PHF2: variants seen among roughly 807,000 people sequenced by gnomAD.
The protein encoded by PHF2 is PHD finger protein 2.
In PHF2, 27 loss-of-function variants were observed where a neutral mutation model predicts 120.5. The observed-to-expected ratio is 0.22, with a 90% CI of 0.17 to 0.31. PHF2 has a LOEUF of 0.31. Among genes scored for constraint, PHF2 ranks in the 10% least tolerant of loss-of-function variants. The probability of loss-of-function intolerance (pLI) is 1.00; values close to 1 mark genes in which losing one functional copy is unlikely to be tolerated. For missense variants in PHF2, 1,024 were observed against 1,434.8 expected, an observed-to-expected ratio of 0.71 and a Z score of 4.63; for synonymous variants, 568 against 592.5, an observed-to-expected ratio of 0.96 and a Z score of 0.60.
intron 16 of PHF2, among the ~76,000 whole-genome samples, chr9:93,666,544 G>C (rs1826684745): frequency 1.3e-5 from 2 of 152,222 alleles, no homozygotes; most frequent in African/African-American, 2.4e-5. Flanking sequence ...CGTCTGCCCT[G>C]TGTGTCCGTG....
At position 93,674,987 on chromosome 9, in the gene PHF2, G is replaced by A. The variant is rs920768568; in HGVS notation, c.2687G>A (p.Arg896Lys). 2.5e-6 allele frequency: 4 copies of A among 1,613,896 alleles called. No homozygotes were observed. Among genetic ancestry groups the A allele is most frequent in the Admixed American group, 3.3e-5 (2 of 60,018 alleles). The change falls in exon 19 of 22, where the codon AGG becomes AAG. Residue 896 changes from arginine (R) to lysine (K), a missense_variant. Coordinates refer to ENST00000359246, the MANE Select transcript of PHF2 (RefSeq NM_005392.4). ...ATCTTTAAGTCCCGGTCGAAGAAAA[G>A]GAAAGGCTCAGACGACGCTCCCTAC... is the stretch of plus-strand genomic sequence containing the variant. ...NPIFKSRSKK[R>K]KGSDDAPYSP...
intron 1 of PHF2, among the ~76,000 whole-genome samples, chr9:93,603,563 A>G (rs1273468177): frequency 6.6e-6 from 1 of 152,076 alleles, no homozygotes; most frequent in South Asian, 2.1e-4. Context: ...TCCCTGCTTA[A>G]GTCCAGTTGT....
chr9:93,654,679 G>T (rs778773683), intron 7 of PHF2, 104 bp downstream of exon 7: 89 of 1,054,920 alleles, frequency 8.4e-5, no homozygotes, highest in Non-Finnish European at 1.2e-4. Context: ...GGTCTCTTCG[G>T]CATCCCTGGC....
chr9:93,596,411 G>A (rs1007491016), intron 1 of PHF2, among the ~76,000 whole-genome samples: 7 of 152,100 alleles, frequency 4.6e-5, no homozygotes, highest in African/African-American at 7.2e-5. Flanking sequence ...GAAGAAATGC[G>A]TGTGCACTGG....
intron 2 of PHF2, among the ~76,000 whole-genome samples, chr9:93,635,067 G>C (rs1826068467): frequency 1.3e-5 from 2 of 152,224 alleles, no homozygotes; most frequent in South Asian, 4.1e-4. Flanking sequence ...AACCCTGTTT[G>C]TTGCTCATCT....
At chr9:93,583,817 TTTTC>T (rs1862978595) in intron 1 of PHF2, among the ~76,000 whole-genome samples, 3 of 142,392 alleles carry the variant, frequency 2.1e-5, no homozygotes, top group Admixed American at 7.2e-5. Flanking sequence ...GTATCCTTTT[TTTTC>T]TTTTCTTTTT....
chr9:93,648,576 C>T (rs1163202037), intron 4 of PHF2, among the ~76,000 whole-genome samples: 2 of 152,210 alleles, frequency 1.3e-5, no homozygotes, highest in Admixed American at 6.5e-5. Flanking sequence ...AATTTTCCTC[C>T]TCAGCTCATC....
chr9:93,674,697 C>A (rs923603887), intron 18 of PHF2, among the ~76,000 whole-genome samples: 1 of 152,138 alleles, frequency 6.6e-6, no homozygotes, highest in Non-Finnish European at 1.5e-5. Flanking sequence ...GCCTTCTTGT[C>A]TGGAGAGTCC....
intron 12 of PHF2, among the ~76,000 whole-genome samples, chr9:93,662,651 GATGA>G (rs939161911): frequency 6.6e-6 from 1 of 151,646 alleles, no homozygotes; most frequent in Non-Finnish European, 1.5e-5. Context: ...GAATGAACGG[GATGA>G]ATGAATGGAT....
intron 9 of PHF2, among the ~76,000 whole-genome samples, chr9:93,657,383 G>A (rs1826479933): frequency 6.6e-6 from 1 of 152,158 alleles, no homozygotes; most frequent in African/African-American, 2.4e-5. Flanking sequence ...CCCAAATCTG[G>A]AGCCCTGAGC....
chr9:93,599,641 G>A (rs117375682), intron 1 of PHF2, among the ~76,000 whole-genome samples: 6,618 of 152,384 alleles, frequency 0.043, 201 homozygotes, highest in Middle Eastern at 0.071. Context: ...GAGATATTCG[G>A]TGGTTACCTG....
chr9:93,577,978 C>G (rs1389114053), intron 1 of PHF2, among the ~76,000 whole-genome samples: 1 of 152,182 alleles, frequency 6.6e-6, no homozygotes, highest in African/African-American at 2.4e-5. Flanking sequence ...AGCAAGCAGC[C>G]GGGGGAAAGA....
At position 93,656,232 on chromosome 9, in the gene PHF2, T is replaced by C. The variant is rs1209457174; in HGVS notation, c.1040+211T>C. On this transcript the variant is annotated intron_variant, in intron 8 of 21. Transcript: ENST00000359246. This position sits in a 1 kb window ranked among gnomAD's most constrained non-coding sequence, Gnocchi z 4.1. ...ATGCAGGCCGGCTCCTCAAGGGACC[T>C]GGCTGCTGGATGGTTGTAGTTGCCC... Among the ~76,000 whole-genome samples, 1 of 152,062 alleles carries C rather than the reference T, an allele frequency of 6.6e-6. No individual in the cohort carries two copies. The highest frequency in any genetic ancestry group is 1.5e-5 in the Non-Finnish European group (1 of 68,010).
intron 16 of PHF2, 32 bp downstream of exon 16, chr9:93,666,092 G>A (rs763771977): frequency 1.6e-5 from 26 of 1,602,696 alleles, no homozygotes; most frequent in African/African-American, 2.7e-5. Context: ...CCTCAGTCTC[G>A]GGGGGCATCT....
intron 3 of PHF2, among the ~76,000 whole-genome samples, chr9:93,641,213 G>C (rs1168764689): frequency 1.3e-5 from 2 of 152,206 alleles, no homozygotes. Context: ...ATGTCCAGTA[G>C]AGTCTGATAC....
chr9:93,584,988 A>T (rs1863010039), intron 1 of PHF2, among the ~76,000 whole-genome samples: 1 of 152,198 alleles, frequency 6.6e-6, no homozygotes, highest in South Asian at 2.1e-4. Context: ...ATTCTTTTGG[A>T]CGCTATGGTA....
At chr9:93,637,112 C>T (rs989426289) in intron 3 of PHF2, among the ~76,000 whole-genome samples, 2 of 152,244 alleles carry the variant, frequency 1.3e-5, no homozygotes, top group African/African-American at 2.4e-5. Context: ...CTTTATTTCT[C>T]CCTCACTTTT....
At chr9:93,602,541 C>T (rs555991645) in intron 1 of PHF2, among the ~76,000 whole-genome samples, 1 of 152,238 alleles carries the variant, frequency 6.6e-6, no homozygotes, top group Non-Finnish European at 1.5e-5. Context: ...GTGTGAGCCA[C>T]CACACCTGGC....
rs548206015 is a variant in PHF2 at position 93,673,552 on chromosome 9, C to T, written c.2349-33C>T. The T allele has an allele frequency of 1.7e-5, 26 of 1,524,202 alleles. 1 individual carries two copies. The South Asian group carries it at 3.3e-4, about 20-fold the overall frequency. The allele number at this position is 1,524,202 out of a possible 1,614,324, so 94.4% of individuals were successfully genotyped here. A position where few individuals can be genotyped will look rare whatever the true frequency, so the allele number is the denominator to read the frequency against. Reference sequence around the variant, plus strand: ...GTGCCTGGGCTGCAGGCCAAGAGCACTGGGCTGAGTGCCTGTCTCTCTGTG... The same window carrying T: ...GTGCCTGGGCTGCAGGCCAAGAGCATTGGGCTGAGTGCCTGTCTCTCTGTG... On this transcript the variant is annotated intron_variant, in intron 17 of 21. Coordinates refer to ENST00000359246, the MANE Select transcript of PHF2 (RefSeq NM_005392.4).
Sources: allele counts gnomAD v4.1 joint callset (sites outside exome capture counted in the v4.1 genomes callset), GRCh38; gene constraint gnomAD v4.1.1; non-coding constraint Gnocchi (gnomAD v3.1); transcripts MANE v1.5; gene names NCBI Gene and HGNC (gene_info 2026-07-23, HGNC 2026-07-21).